CACNA1C: variants seen among roughly 807,000 people sequenced by gnomAD.
The protein encoded by CACNA1C is voltage-dependent L-type calcium channel subunit alpha-1C.
Under a neutral mutation model 229.0 loss-of-function variants are expected in CACNA1C, and 30 were observed. The observed-to-expected ratio is 0.13, with a 90% CI of 0.10 to 0.18. The LOEUF is 0.18. Among genes scored for constraint, CACNA1C ranks in the 10% least tolerant of loss-of-function variants. The pLI is 1.00. For missense variants in CACNA1C, 1,658 were observed against 2,845.0 expected, an observed-to-expected ratio of 0.58 and a Z score of 9.49; for synonymous variants, 1,114 against 1,132.5, an observed-to-expected ratio of 0.98 and a Z score of 0.33.
intron 3 of CACNA1C, among the ~76,000 whole-genome samples, chr12:2,227,600 A>G (rs1369917308): frequency 6.6e-6 from 1 of 152,220 alleles, no homozygotes. Context: ...GTTCAAGGTC[A>G]TTGGATGACT....
At chr12:2,461,119 C>G (rs1047488963) in intron 5 of CACNA1C, among the ~76,000 whole-genome samples, 1 of 152,224 alleles carries the variant, frequency 6.6e-6, no homozygotes, top group African/African-American at 2.4e-5. Flanking sequence ...TCCTCCCATT[C>G]TCTCTTGAAT....
rs78563698 is a variant in CACNA1C at position 1,996,616 on chromosome 12, T to TAAAAAAAAAAAAAAAAAA, written c.139+25437_139+25454dup. On this transcript the variant is annotated intron_variant, in intron 1 of 46. Transcript: ENST00000682462. ...AATACACTAATAATAGCTGATGAGC[T>TAAAAAAAAAAAAAAAAAA]AAAAAAAAAAAAAAAAAAAAAAAAA... is the stretch of plus-strand genomic sequence containing the variant. Among the ~76,000 whole-genome samples the TAAAAAAAAAAAAAAAAAA allele has an allele frequency of 3.2e-4, 6 of 18,840 alleles. 1 individual carries two copies. Among genetic ancestry groups the TAAAAAAAAAAAAAAAAAA allele is most frequent in the Admixed American group, 8.1e-4 (1 of 1,228 alleles). The allele number at this position is 18,840 out of a possible 152,430, so 12.4% of individuals were successfully genotyped here. A position where few individuals can be genotyped will look rare whatever the true frequency, so the allele number is the denominator to read the frequency against.
chr12:2,238,341 T>C (rs986957789), intron 3 of CACNA1C, among the ~76,000 whole-genome samples: 1 of 152,212 alleles, frequency 6.6e-6, no homozygotes, highest in African/African-American at 2.4e-5. Flanking sequence ...TTTCACTTAA[T>C]ATAGAAAGAA....
At chr12:2,194,578 T>C (rs1464523497) in intron 3 of CACNA1C, among the ~76,000 whole-genome samples, 1 of 152,190 alleles carries the variant, frequency 6.6e-6, no homozygotes, top group Non-Finnish European at 1.5e-5. Flanking sequence ...TCCTTGCCTA[T>C]CTTCCTTCCT....
intron 13 of CACNA1C, among the ~76,000 whole-genome samples, chr12:2,574,839 G>C (rs1172286881): frequency 6.6e-6 from 1 of 152,244 alleles, no homozygotes; most frequent in East Asian, 1.9e-4. Context: ...CTGTGGCAAA[G>C]GTAGCTCAGA....
In CACNA1C at chr12:2,653,268, A is replaced by G. The variant is rs2095206503; in HGVS notation, c.4075-567A>G. On this transcript the variant is annotated intron_variant, in intron 32 of 46. Transcript: ENST00000399655. The surrounding 1 kb of genome is among the most constrained non-coding windows in gnomAD (Gnocchi z 4.7). Reference sequence around the variant, plus strand: ...TATTATTGTTTCCATTTTTCTGATGAGGAGACTGAAGTTCAGAGAAGTTAA... The same window carrying G: ...TATTATTGTTTCCATTTTTCTGATGGGGAGACTGAAGTTCAGAGAAGTTAA... Among the ~76,000 whole-genome samples, 1 of 152,240 alleles carries G rather than the reference A, an allele frequency of 6.6e-6. No individual in the cohort carries two copies. Among genetic ancestry groups the G allele is most frequent in the South Asian group, 2.1e-4 (1 of 4,836 alleles).
chr12:2,549,464 G>A (rs150352844), intron 9 of CACNA1C, among the ~76,000 whole-genome samples: 1 of 152,340 alleles, frequency 6.6e-6, no homozygotes, highest in African/African-American at 2.4e-5. Context: ...CATCAAGGTA[G>A]CAAGCACGCC....
rs1246213835 is a variant in CACNA1C at position 1,971,555 on chromosome 12, A to T, written c.139+354A>T. Reference sequence around the variant, plus strand: ...CATGTCTGGATTTTTTAGGTCCACAAAGACAAGGCAGAGAGCAAGCTGATT... The same window carrying T: ...CATGTCTGGATTTTTTAGGTCCACATAGACAAGGCAGAGAGCAAGCTGATT... On this transcript the variant is annotated intron_variant, in intron 1 of 46. Transcript: ENST00000682462. The surrounding 1 kb of genome is among the most constrained non-coding windows in gnomAD (Gnocchi z 4.2). 6.6e-6 allele frequency among the ~76,000 whole-genome samples: 1 copy of T among 152,226 alleles called. No homozygotes were observed. The highest frequency in any genetic ancestry group is 6.5e-5 in the Admixed American group (1 of 15,282).
chr12:2,673,807 A>G (rs990891243), intron 38 of CACNA1C, among the ~76,000 whole-genome samples: 8 of 152,194 alleles, frequency 5.3e-5, no homozygotes, highest in African/African-American at 1.9e-4. Context: ...AGGCCTGCCT[A>G]ACCTCCCTGT....
intron 3 of CACNA1C, among the ~76,000 whole-genome samples, chr12:2,137,073 C>T (rs1321553952): frequency 3.3e-5 from 5 of 151,400 alleles, no homozygotes; most frequent in African/African-American, 1.2e-4. Context: ...GCGCCCCGCC[C>T]AGGTGAGAGC....
At chr12:2,347,250 A>G (rs2238071) in intron 3 of CACNA1C, among the ~76,000 whole-genome samples, 68,088 of 152,038 alleles carry the variant, frequency 0.45, 17,556 homozygotes, top group Non-Finnish European at 0.58. Context: ...CACTTTCCCC[A>G]CATCTGTCAG....
At chr12:2,028,856 G>A (rs1031707486) in intron 1 of CACNA1C, among the ~76,000 whole-genome samples, 26 of 152,376 alleles carry the variant, frequency 1.7e-4, no homozygotes, top group African/African-American at 6.0e-4. Context: ...GTGGCAAGTA[G>A]TGAATAATAA....
intron 13 of CACNA1C, among the ~76,000 whole-genome samples, chr12:2,576,020 C>T (rs1017983088): frequency 6.6e-6 from 1 of 152,042 alleles, no homozygotes; most frequent in Non-Finnish European, 1.5e-5. Flanking sequence ...TAACTTAAAT[C>T]AGGAGAGGCA....
chr12:2,489,104 C>T (rs563278429), intron 6 of CACNA1C, among the ~76,000 whole-genome samples: 2 of 152,038 alleles, frequency 1.3e-5, no homozygotes, highest in Non-Finnish European at 2.9e-5. Flanking sequence ...TAATTTTTTT[C>T]TTTCTTTCTT....
intron 3 of CACNA1C, among the ~76,000 whole-genome samples, chr12:2,196,282 A>G (rs2097400466): frequency 1.3e-5 from 2 of 152,284 alleles, no homozygotes; most frequent in Non-Finnish European, 2.9e-5. Flanking sequence ...AGCTTAGTCT[A>G]ACAGTTAACC....
At chr12:2,174,792 T>C (rs1370964566) in intron 3 of CACNA1C, among the ~76,000 whole-genome samples, 2 of 152,350 alleles carry the variant, frequency 1.3e-5, no homozygotes, top group African/African-American at 4.8e-5. Flanking sequence ...GTTGTATGTA[T>C]TATTTAGTGT....
chr12:2,241,109 C>T (rs779775267), intron 3 of CACNA1C, among the ~76,000 whole-genome samples: 17 of 152,026 alleles, frequency 1.1e-4, no homozygotes, highest in Non-Finnish European at 2.4e-4. Flanking sequence ...CATTTCCTTG[C>T]GAGGCTCCTG....
chr12:2,341,688 A>G (rs1020815845), intron 3 of CACNA1C, among the ~76,000 whole-genome samples: 1 of 152,232 alleles, frequency 6.6e-6, no homozygotes, highest in Non-Finnish European at 1.5e-5. Context: ...GACCAGGTTC[A>G]TCATCTCCTC....
chr12:2,360,941 G>T (rs1003666250), intron 3 of CACNA1C, among the ~76,000 whole-genome samples: 1 of 151,934 alleles, frequency 6.6e-6, no homozygotes, highest in Non-Finnish European at 1.5e-5. Flanking sequence ...TAGGCCTGCC[G>T]TTCACCACAC....
Sources: gnomAD v4.1 joint callset for allele counts (sites outside exome capture counted in the v4.1 genomes callset) on GRCh38, gnomAD v4.1.1 for gene constraint, Gnocchi (gnomAD v3.1) non-coding constraint, MANE v1.5 for transcripts, NCBI Gene and HGNC (gene_info 2026-07-23, HGNC 2026-07-21) for gene names.